GLDC: variants seen among roughly 807,000 people sequenced by gnomAD.
The protein encoded by GLDC is glycine dehydrogenase (decarboxylating), mitochondrial.
Under a neutral mutation model 121.3 loss-of-function variants are expected in GLDC, and 104 were observed. The ratio of observed to expected loss-of-function variants is 0.86; its 90% CI spans 0.73 to 1.01. The LOEUF is 1.01. Ranked by LOEUF, GLDC falls within the 50% of genes least tolerant of loss-of-function variation. The pLI, the probability that GLDC is intolerant of heterozygous loss-of-function variation, is 0.00. For synonymous variants in GLDC, 546 were observed against 480.6 expected (o/e 1.14, Z -1.78); for missense variants, 1,429 against 1,306.6 (o/e 1.09, Z -1.44).
intron 23 of GLDC, among the ~76,000 whole-genome samples, chr9:6,535,623 G>A (rs748090088): frequency 3.3e-5 from 5 of 152,046 alleles, no homozygotes; most frequent in African/African-American, 9.7e-5. Flanking sequence ...TTTTGGAAGC[G>A]GCAGAGTAAT....
chr9:6,602,179 C>G lies in GLDC; in HGVS notation c.1085G>C (p.Arg362Pro). 6.2e-7 allele frequency: 1 copy of G among 1,612,094 alleles called. No individual in the cohort carries two copies. Among genetic ancestry groups the G allele is most frequent in the Non-Finnish European group, 8.5e-7 (1 of 1,178,384 alleles). ...TRDATGKEVYRLALQTREQHI... is the reference protein window; with the variant it reads ...TRDATGKEVYPLALQTREQHI... ...TTGCTCCCTGGTTTGAAGAGCAAGACGATACACTTCTTTCCCAGTGGCATC... is the reference window on the plus strand; with the variant it reads ...TTGCTCCCTGGTTTGAAGAGCAAGAGGATACACTTCTTTCCCAGTGGCATC... Residue 362 changes from arginine to proline, a missense_variant, in exon 8 of 25, where the codon CGT (arginine) becomes CCT (proline). Coordinates refer to ENST00000321612, the MANE Select transcript of GLDC (RefSeq NM_000170.3).
intron 14 of GLDC, 80 bp from the exon 15 acceptor site, chr9:6,587,363 G>T: frequency 9.1e-7 from 1 of 1,097,238 alleles, no homozygotes; most frequent in Non-Finnish European, 1.4e-6. Flanking sequence ...TAATGACGAT[G>T]ATGAGAAAAG....
At chr9:6,568,276 T>C (rs1338168430) in intron 15 of GLDC, among the ~76,000 whole-genome samples, 1 of 152,238 alleles carries the variant, frequency 6.6e-6, no homozygotes, top group African/African-American at 2.4e-5. Context: ...TATATTCAAA[T>C]GTGACACAAG....
chr9:6,614,949 G>A (rs1258902827), intron 3 of GLDC, among the ~76,000 whole-genome samples: 2 of 152,172 alleles, frequency 1.3e-5, no homozygotes, highest in Non-Finnish European at 2.9e-5. Context: ...TCTAAATACA[G>A]AAAAGGTACA....
At chr9:6,636,794 C>T (rs1279131176) in intron 2 of GLDC, among the ~76,000 whole-genome samples, 1 of 151,504 alleles carries the variant, frequency 6.6e-6, no homozygotes, top group East Asian at 1.9e-4. Context: ...ATTAAAAAAC[C>T]CAAAATAGTC....
At chr9:6,617,671 A>G (rs1454288685) in intron 3 of GLDC, among the ~76,000 whole-genome samples, 2 of 152,248 alleles carry the variant, frequency 1.3e-5, no homozygotes, top group African/African-American at 2.4e-5. Flanking sequence ...AGTTATGTAC[A>G]GGGACAGCAA....
At chr9:6,622,957 G>A (rs1409946757) in intron 2 of GLDC, 5 of 185,668 alleles carry the variant, frequency 2.7e-5, no homozygotes, top group African/African-American at 6.1e-5. Context: ...GGTGAGGAAC[G>A]TCTCCGCCCG....
At position 6,591,860 on chromosome 9, in the gene GLDC, G is replaced by A. The variant is rs140734664; in HGVS notation, c.1482+283C>T. Reference sequence around the variant, plus strand: ...GCCCCCCTGACCTCCCAAAGTGCTGGGATTACAGGCATGAGCCACCATCCC... The same window carrying A: ...GCCCCCCTGACCTCCCAAAGTGCTGAGATTACAGGCATGAGCCACCATCCC... On this transcript the variant is annotated intron_variant, in intron 11 of 24. Transcript: ENST00000321612. The A allele has an allele frequency of 4.8e-3, 1,334 of 280,458 alleles. 22 individuals are homozygous for A. The highest frequency in any genetic ancestry group is 0.028 in the African/African-American group (1,262 of 44,536). 17.4% of individuals were successfully genotyped at this position (280,458 alleles called of 1,614,324 possible).
At chr9:6,593,798 T>C (rs767941088) in intron 9 of GLDC, among the ~76,000 whole-genome samples, 6 of 151,618 alleles carry the variant, frequency 4.0e-5, no homozygotes, top group Non-Finnish European at 8.8e-5. Flanking sequence ...ATTCAAGCAA[T>C]TCTCCTGCCT....
intron 4 of GLDC, 76 bp from the exon 5 acceptor site, chr9:6,606,745 A>G (rs990142875): frequency 1.4e-5 from 13 of 899,808 alleles, no homozygotes; most frequent in Non-Finnish European, 2.3e-5. Flanking sequence ...CAAAGCAAAC[A>G]TAGTACCGAG....
At chr9:6,564,117 G>A (rs888472357) in intron 16 of GLDC, among the ~76,000 whole-genome samples, 7 of 151,892 alleles carry the variant, frequency 4.6e-5, no homozygotes, top group Non-Finnish European at 8.8e-5. Context: ...GCGTGGTGGC[G>A]CATGCCTGTA....
chr9:6,546,716 T>A (rs1017126469), intron 21 of GLDC, among the ~76,000 whole-genome samples: 7 of 151,698 alleles, frequency 4.6e-5, no homozygotes, highest in Non-Finnish European at 8.8e-5. Flanking sequence ...AATCCCAGCA[T>A]TTGGGGAGGC....
chr9:6,614,056 C>T (rs112526567), intron 3 of GLDC, among the ~76,000 whole-genome samples: 4 of 152,108 alleles, frequency 2.6e-5, no homozygotes, highest in Middle Eastern at 3.4e-3. Flanking sequence ...GGATTACAGG[C>T]GTGAGTCATG....
intron 15 of GLDC, among the ~76,000 whole-genome samples, chr9:6,581,200 A>G (rs1351091705): frequency 1.3e-5 from 2 of 152,220 alleles, no homozygotes; most frequent in Non-Finnish European, 2.9e-5. Context: ...ACGAAGGAGC[A>G]GTTGGTAAAT....
intron 21 of GLDC, among the ~76,000 whole-genome samples, chr9:6,549,390 C>T (rs1231714946): frequency 6.6e-6 from 1 of 152,076 alleles, no homozygotes; most frequent in Non-Finnish European, 1.5e-5. Context: ...GTGGAGGCTG[C>T]AGGGAGGAGG....
intron 2 of GLDC, among the ~76,000 whole-genome samples, chr9:6,642,923 G>A (rs904744498): frequency 1.1e-4 from 17 of 150,732 alleles, no homozygotes; most frequent in African/African-American, 2.9e-4. Context: ...TTTTTAGACA[G>A]GGTCTCACTC....
rs75555848 is a variant in GLDC, at chr9:6,592,842, T to C, written c.1401+9A>G. On this transcript the variant is annotated intron_variant, in intron 10 of 24. Coordinates refer to ENST00000321612, the MANE Select transcript of GLDC (RefSeq NM_000170.3). ...AAAAACTGGTAAAAATACTGAAAAT[T>C]TGACTTACTGTGCCATCCTCAAAAA... 251 of 1,611,986 alleles carry C rather than the reference T, an allele frequency of 1.6e-4. No individual in the cohort carries two copies. The African/African-American group carries it at 2.7e-3, about 17-fold the overall frequency.
At chr9:6,552,930 C>CCA (rs386414381) in intron 20 of GLDC, among the ~76,000 whole-genome samples, 1 of 102,338 alleles carries the variant, frequency 9.8e-6, no homozygotes, top group South Asian at 3.9e-4. Context: ...TCTCCTCTGG[C>CCA]CCCCCCCAAG....
intron 21 of GLDC, among the ~76,000 whole-genome samples, chr9:6,547,511 T>A (rs191533906): frequency 6.6e-6 from 1 of 152,200 alleles, no homozygotes; most frequent in Non-Finnish European, 1.5e-5. Context: ...TCTCATATGT[T>A]ATCACTGTGA....
Sources: gnomAD v4.1 joint callset for allele counts (sites outside exome capture counted in the v4.1 genomes callset) on GRCh38, gnomAD v4.1.1 for gene constraint, MANE v1.5 for transcripts, NCBI Gene and HGNC (gene_info 2026-07-23, HGNC 2026-07-21) for gene names.